Variants in ZNF674 observed in about 807,000 individuals in gnomAD.
The protein encoded by ZNF674 is zinc finger protein 674.
In ZNF674, 2 loss-of-function variants were observed where a neutral mutation model predicts 7.0. The observed-to-expected ratio is 0.29, with a 90% confidence interval of 0.12 to 0.90. The LOEUF is 0.90. ZNF674 is among the 40% of genes least tolerant of loss of function. The pLI is 0.57. For missense variants in ZNF674, 297 were observed against 415.5 expected (o/e 0.71, Z 2.48); for synonymous variants, 103 against 145.2 (o/e 0.71, Z 2.09).
rs1337541666 is a variant in ZNF674 at position 46,501,260 on chromosome X, A to G, written c.314T>C (p.Ile105Thr). Residue 105 changes from isoleucine (I) to threonine (T), a missense_variant, in exon 6 of 6, where the codon ATA (isoleucine) becomes ACA (threonine). Physicochemically the swap from Ile to Thr is moderately conservative, Grantham distance 89 (BLOSUM62 -1). Coordinates refer to ENST00000683375, the MANE Select transcript of ZNF674 (RefSeq NM_001190417.2). Reference protein sequence around the residue: ...QDKFLWQAAFIGKETLKDESG... With the variant: ...QDKFLWQAAFTGKETLKDESG... ...TTCATCCTTCAGTGTTTCCTTGCCT[A>G]TGAATGCAGCTTGCCACAGAAATTT... is the stretch of plus-strand genomic sequence containing the variant. 1.7e-5 allele frequency: 21 copies of G among 1,211,368 alleles called. No homozygotes were observed. The highest frequency in any genetic ancestry group is 2.3e-5 in the Non-Finnish European group (21 of 895,100).
At chrX:46,519,637 A>G (rs1435778699) in intron 5 of ZNF674, among the ~76,000 whole-genome samples, 1 of 111,051 alleles carries the variant, frequency 9.0e-6, no homozygotes, top group Admixed American at 9.7e-5. Flanking sequence ...AAATAAAAAT[A>G]AATACATACA....
Position 46,521,204 on chromosome X carries a change from C to CAAA in ZNF674, c.238+7143_238+7145dup, listed in dbSNP as rs1187228041. ...TGGGTGACAAAGCAAGACTCTATCT[C>CAAA]AAAAAAAAAAAAAAAAAAAGACAAT... On this transcript the variant is annotated intron_variant, in intron 5 of 5. Transcript: ENST00000683375. 2.9e-4 allele frequency among the ~76,000 whole-genome samples: 12 copies of CAAA among 40,720 alleles called. No homozygotes were observed. In the South Asian group the frequency reaches 0.013, roughly 43 times the overall value. The allele number at this position is 40,720 out of a possible 115,157, so 35.4% of individuals were successfully genotyped here.
intron 5 of ZNF674, among the ~76,000 whole-genome samples, chrX:46,507,975 T>G (rs995526747): frequency 3.6e-5 from 4 of 111,938 alleles, no homozygotes; most frequent in Non-Finnish European, 7.5e-5. Context: ...ATGTTTATCA[T>G]GCCCTTCACT....
intron 5 of ZNF674, among the ~76,000 whole-genome samples, chrX:46,515,884 T>C (rs998607030): frequency 3.6e-5 from 4 of 111,605 alleles, no homozygotes; most frequent in African/African-American, 1.3e-4. Context: ...GTGCTAGAAT[T>C]ACAGGTGTTA....
rs141982105 is a variant in ZNF674 at position 46,520,755 on chromosome X, A to G, written c.238+7595T>C. Among the ~76,000 whole-genome samples, 521 of 112,272 alleles carry G rather than the reference A, an allele frequency of 4.6e-3. 4 individuals carry two copies. The highest frequency in any genetic ancestry group is 0.033 in the South Asian group (90 of 2,700). On this transcript the variant is annotated intron_variant, in intron 5 of 5. Coordinates refer to ENST00000683375, the MANE Select transcript of ZNF674 (RefSeq NM_001190417.2). ...AGACCTACATCCAACAATATCAATAATTACAAAAACACACCAATTAAAAGG... is the reference window on the plus strand; with the variant it reads ...AGACCTACATCCAACAATATCAATAGTTACAAAAACACACCAATTAAAAGG...
chrX:46,523,067 C>G (rs5952897), intron 5 of ZNF674: 2 of 207,592 alleles, frequency 9.6e-6, no homozygotes, highest in Admixed American at 6.6e-5. Context: ...CTGAAAAGTA[C>G]GCACGTGTTC....
At chrX:46,502,046 G>A (rs984939392) in intron 5 of ZNF674, among the ~76,000 whole-genome samples, 4 of 110,636 alleles carry the variant, frequency 3.6e-5, no homozygotes, top group Non-Finnish European at 7.6e-5. Context: ...GGTGGCTCAC[G>A]CCTGTAATCC....
chrX:46,525,951 T>C (rs945251363), intron 5 of ZNF674, among the ~76,000 whole-genome samples: 2 of 112,028 alleles, frequency 1.8e-5, no homozygotes, highest in African/African-American at 6.5e-5. Context: ...GACTTATGCA[T>C]TCAAAACTAC....
At position 46,500,503 on chromosome X, in the gene ZNF674, A is replaced by T. The variant is rs1160605246; in HGVS notation, c.1071T>A (p.His357Gln). The T allele has an allele frequency of 8.3e-7, 1 of 1,211,777 alleles. No homozygotes were observed. The highest frequency in any genetic ancestry group is 1.7e-5 in the African/African-American group (1 of 57,892). Residue 357 changes from histidine (H) to glutamine (Q), a missense_variant, in exon 6 of 6, where the codon CAT (histidine) becomes CAA (glutamine). Transcript: ENST00000683375. ...HTSEKPQCSE[H>Q]GKASDEKPSP... The stretch of plus-strand genomic sequence containing the variant: ...TGGGCTTCTCATCAGAGGCTTTCCC[A>T]TGTTCACTGCACTGAGGTTTCTCAC...
Position 46,501,015 on chromosome X carries a change from C to T in ZNF674, c.559G>A (p.Ala187Thr). 1 of 1,205,072 alleles carries T rather than the reference C, an allele frequency of 8.3e-7. No individual in the cohort carries two copies. The highest frequency in any genetic ancestry group is 1.1e-6 in the Non-Finnish European group (1 of 891,904). ...TGATTAGGGTCAAAAAATCTCTCTG[C>T]AGGTTGAGCTTTATGAAGATTATAA... Reference protein sequence around the residue: ...LHYNLHKAQPAERFFDPNQRG... With the variant: ...LHYNLHKAQPTERFFDPNQRG... The change falls in exon 6 of 6, where the codon GCA (alanine) becomes ACA (threonine). Residue 187 changes from alanine (A) to threonine (T), a missense_variant. Coordinates refer to ENST00000683375, the MANE Select transcript of ZNF674 (RefSeq NM_001190417.2).
intron 5 of ZNF674, among the ~76,000 whole-genome samples, chrX:46,503,044 C>T (rs1315246232): frequency 8.9e-6 from 1 of 111,924 alleles, no homozygotes; most frequent in African/African-American, 3.2e-5. Context: ...TGTCCAAAGT[C>T]CTTGAGTGTG....
chrX:46,524,014 C>G (rs202204281), intron 5 of ZNF674, among the ~76,000 whole-genome samples: 2 of 108,848 alleles, frequency 1.8e-5, no homozygotes, highest in East Asian at 5.9e-4. Context: ...TGCACTCCAG[C>G]CTGGGCGACA....
chrX:46,505,104 T>C (rs192649677), intron 5 of ZNF674, among the ~76,000 whole-genome samples: 1 of 110,340 alleles, frequency 9.1e-6, no homozygotes, highest in African/African-American at 3.3e-5. Context: ...TGGTCAGGCT[T>C]GTCTTGAACT....
Position 46,500,346 on chromosome X carries a change from A to C in ZNF674, c.1228T>G (p.Cys410Gly). The change falls in exon 6 of 6, where the codon TGT (cysteine) becomes GGT (glycine). Residue 410 changes from cysteine (C) to glycine (G), a missense_variant. Cys to Gly is a radical substitution (Grantham distance 159, BLOSUM62 -3). Coordinates refer to ENST00000683375, the MANE Select transcript of ZNF674 (RefSeq NM_001190417.2). ...CTGAAAGTCTTCCCACATATACTAC[A>C]TTCATAGGGTTTCTCTCCTGTATGA... The part of the protein sequence containing the change: ...RIHTGEKPYE[C>G]SICGKTFSGK... 8.3e-7 allele frequency: 1 copy of C among 1,211,515 alleles called. No individual in the cohort carries two copies. The highest frequency in any genetic ancestry group is 1.7e-5 in the African/African-American group (1 of 57,801).
At chrX:46,510,313 A>C (rs1168463066) in intron 5 of ZNF674, among the ~76,000 whole-genome samples, 6 of 111,457 alleles carry the variant, frequency 5.4e-5, no homozygotes, top group Non-Finnish European at 1.1e-4. Flanking sequence ...TAAATTTATT[A>C]ATTTTTTAAA....
At chrX:46,531,963 G>A (rs1602082865) in intron 3 of ZNF674, among the ~76,000 whole-genome samples, 1 of 111,787 alleles carries the variant, frequency 8.9e-6, no homozygotes, top group African/African-American at 3.2e-5. Context: ...TCAGGAGTTC[G>A]AGACCAGCCT....
chrX:46,538,023 A>C (rs1942230737), intron 3 of ZNF674, among the ~76,000 whole-genome samples: 2 of 109,882 alleles, frequency 1.8e-5, no homozygotes, highest in African/African-American at 6.6e-5. Context: ...CGGGAGGCGG[A>C]GGTTGCAGTG....
chrX:46,542,055 G>A lies in ZNF674; in HGVS notation c.15+18C>T. Reference sequence around the variant, plus strand: ...CTCAATTTCACTGGAAAAAAAGTAGGGGTACATTAGAACTCACCTGGGACA... The same window carrying A: ...CTCAATTTCACTGGAAAAAAAGTAGAGGTACATTAGAACTCACCTGGGACA... On this transcript the variant is annotated intron_variant, in intron 3 of 5. Coordinates refer to ENST00000683375, the MANE Select transcript of ZNF674 (RefSeq NM_001190417.2). The A allele has an allele frequency of 8.3e-7, 1 of 1,199,435 alleles. No homozygotes were observed. The highest frequency in any genetic ancestry group is 1.8e-5 in the South Asian group (1 of 56,278).
At chrX:46,501,439 G>T (rs1204877542) in intron 5 of ZNF674, 104 bp from the exon 6 acceptor site, 2 of 789,785 alleles carry the variant, frequency 2.5e-6, no homozygotes, top group African/African-American at 2.1e-5. Context: ...AACATGACTT[G>T]AGCTGATGTG....
Sources: allele counts gnomAD v4.1 joint callset (sites outside exome capture counted in the v4.1 genomes callset), GRCh38; gene constraint gnomAD v4.1.1; transcripts MANE v1.5; gene names NCBI Gene and HGNC (gene_info 2026-07-23, HGNC 2026-07-21).